The following FASN variants were observed in gnomAD, a reference collection of about 807,000 sequenced individuals.
FASN encodes the protein 3-hydroxyacyl-[acyl-carrier-protein] dehydratase.
FASN carries 50 observed loss-of-function variants against 250.0 expected under a neutral mutation model. That is an observed-to-expected ratio of 0.20 (90% CI 0.16 to 0.25). FASN has a LOEUF of 0.25. Ranked by LOEUF, FASN falls within the 10% of genes least tolerant of loss-of-function variation. FASN has a pLI of 1.00. For synonymous variants in FASN, 1,909 were observed against 1,584.0 expected, an observed-to-expected ratio of 1.21 and a Z score of -4.87; for missense variants, 3,031 against 3,498.5, an observed-to-expected ratio of 0.87 and a Z score of 3.37.
At chr17:82,089,848 A>G in intron 11 of FASN, 122 bp from the exon 12 acceptor site, 1 of 862,568 alleles carries the variant, frequency 1.2e-6, no homozygotes, top group Non-Finnish European at 1.9e-6. Context: ...GCAGCCTTGG[A>G]GCCTTCATGA....
At position 82,080,549 on chromosome 17, in the gene FASN, T is replaced by C. The variant is rs575193007; in HGVS notation, c.6868A>G (p.Ile2290Val). ...DSIHSLAAYY[I>V]DCIRQVQPEG... ...GGCTGCACCTGCCTGATGCAGTCGA[T>C]GTAGTAGGCAGCCAGGCTGTGGATG... is the stretch of plus-strand genomic sequence containing the variant. The change falls in exon 40 of 43, where the codon ATC becomes GTC. Residue 2290 changes from isoleucine to valine, a missense_variant. Transcript: ENST00000306749. 1.9e-6 allele frequency: 3 copies of C among 1,560,324 alleles called. No individual in the cohort carries two copies. The highest frequency in any genetic ancestry group is 1.9e-5 in the Admixed American group (1 of 52,282).
chr17:82,089,541 G>C, intron 12 of FASN, 91 bp downstream of exon 12: 1 of 1,540,680 alleles, frequency 6.5e-7, no homozygotes, highest in Non-Finnish European at 8.8e-7. Context: ...GTCAGAGCTT[G>C]GTGGGGCGTA....
chr17:82,091,588 C>T lies in FASN; in HGVS notation c.1126G>A (p.Val376Met), dbSNP rs370752560. Reference protein sequence around the residue: ...IPALLDGRLQVVDQPLPVRGG... With the variant: ...IPALLDGRLQMVDQPLPVRGG... ...CGGACGGGCAGGGGCTGGTCCACCA[C>T]CTGCAGCCGCCCATCCAACAGCGCT... The change falls in exon 9 of 43, where the codon GTG (valine) becomes ATG (methionine). Residue 376 changes from valine (V) to methionine (M), a missense_variant. Transcript: ENST00000306749. The T allele has an allele frequency of 6.3e-7, 1 of 1,588,712 alleles. No homozygotes were observed. The highest frequency in any genetic ancestry group is 2.3e-5 in the East Asian group (1 of 43,770).
chr17:82,094,221 G>A (rs1489095128), intron 3 of FASN: 3 of 281,398 alleles, frequency 1.1e-5, no homozygotes, highest in African/African-American at 2.2e-5. Context: ...AGGAACCGAG[G>A]AGACAAAGGC....
rs1287065605 is a variant in FASN, at chr17:82,087,412, G to A, written c.3136C>T (p.Leu1046=). 3 of 1,612,714 alleles carry A rather than the reference G, an allele frequency of 1.9e-6. No homozygotes were observed. Among genetic ancestry groups the A allele is most frequent in the East Asian group, 4.5e-5 (2 of 44,876 alleles). Reference sequence around the variant, plus strand: ...GCGGTGACACGGGTGGGCAGGTACAGGCCGTGCTTGGCCGAGCCCAGGATG... The same window carrying A: ...GCGGTGACACGGGTGGGCAGGTACAAGCCGTGCTTGGCCGAGCCCAGGATG... ...MSILGSAKHG[L]YLPTRVTAIH... is the part of the protein sequence containing the mutation. Residue 1046 remains leucine, a synonymous_variant, in exon 20 of 43, where the codon CTG becomes TTG. Coordinates refer to ENST00000306749, the MANE Select transcript of FASN (RefSeq NM_004104.5).
Position 82,081,241 on chromosome 17 carries a change from A to C in FASN, c.6518T>G (p.Val2173Gly). The stretch of plus-strand genomic sequence containing the variant: ...TTGCCGCACCTCGCGCACGGACAGC[A>C]CCAGGTTGAGCTCACGCTCCAGCGT... ...RQTLERELNLVLSVREVRQLT... is the reference protein window; with the variant it reads ...RQTLERELNLGLSVREVRQLT... The change falls in exon 38 of 43, where the codon GTG becomes GGG. Residue 2173 changes from valine (V) to glycine (G), a missense_variant. Physicochemically the swap from Val to Gly is moderately radical, Grantham distance 109. Transcript: ENST00000306749. 1 of 1,589,154 alleles carries C rather than the reference A, an allele frequency of 6.3e-7. No homozygotes were observed. The highest frequency in any genetic ancestry group is 1.1e-5 in the South Asian group (1 of 87,572).
rs750057391 is a variant in FASN, at chr17:82,079,179, G to A, written c.7500C>T (p.Ser2500=). ...GCACGCTCACGCGTGGCTCAGCCAG[G>A]GAGCTGTGGATGATGCTGATGATGG... The part of the protein sequence containing the change: ...LESIISIIHS[S]LAEPRVSVRE... The change falls in exon 43 of 43, where the codon TCC becomes TCT. Residue 2500 remains serine (S), a synonymous_variant. Coordinates refer to ENST00000306749, the MANE Select transcript of FASN (RefSeq NM_004104.5). 3.1e-6 allele frequency: 5 copies of A among 1,612,698 alleles called. No homozygotes were observed. The highest frequency in any genetic ancestry group is 2.7e-5 in the African/African-American group (2 of 74,938).
Position 82,092,772 on chromosome 17 carries a change from G to A in FASN, c.819C>T (p.Ile273=). ...FPSGDIQEQL[I]RSLYQSAGVA... ...CTCCGGCCGACTGGTACAACGAGCG[G>A]ATGAGCTGCTCCTGGATATCCCCTG... The change falls in exon 7 of 43, where the codon ATC becomes ATT. Residue 273 remains isoleucine, a synonymous_variant. Transcript: ENST00000306749. 1 of 1,605,718 alleles carries A rather than the reference G, an allele frequency of 6.2e-7. No individual in the cohort carries two copies. The highest frequency in any genetic ancestry group is 8.5e-7 in the Non-Finnish European group (1 of 1,177,474).
rs1219024120 is a variant in FASN, at chr17:82,085,191, G to A, written c.4288-35C>T. The A allele has an allele frequency of 3.7e-6, 6 of 1,612,402 alleles. No homozygotes were observed. The South Asian group carries it at 5.5e-5, about 15-fold the overall frequency. ...GTCGGGGAGGGTCAGGCCACACTCG[G>A]CAAGTTGGGAGGTGGGGTGGGGCCT... is the stretch of plus-strand genomic sequence containing the variant. On this transcript the variant is annotated intron_variant, in intron 24 of 42. Coordinates refer to ENST00000306749, the MANE Select transcript of FASN (RefSeq NM_004104.5).
chr17:82,091,745 G>A, intron 8 of FASN, 61 bp from the exon 9 acceptor site: 2 of 1,449,972 alleles, frequency 1.4e-6, no homozygotes, highest in Non-Finnish European at 9.3e-7. Context: ...CCTGAGCTGG[G>A]GGCAGGCACC....
At chr17:82,091,831 C>T (rs2034215283) in intron 8 of FASN, 147 bp from the exon 9 acceptor site, 3 of 770,628 alleles carry the variant, frequency 3.9e-6, no homozygotes, top group Non-Finnish European at 6.1e-6. Flanking sequence ...CTAATTCTGC[C>T]ATGGCACAGG....
Position 82,082,051 on chromosome 17 carries a change from T to C in FASN, c.6121A>G (p.Met2041Val). The change falls in exon 36 of 43, where the codon ATG becomes GTG. Residue 2041 changes from methionine to valine, a missense_variant. Met to Val is a conservative substitution (Grantham distance 21). Coordinates refer to ENST00000306749, the MANE Select transcript of FASN (RefSeq NM_004104.5). ...CGGCGTTTCTCACAGATACGCTCCA[T>C]GGCGGAATTGGCAAAGCCGTAGTTG... ...QSNYGFANSA[M>V]ERICEKRRHE... 1.9e-6 allele frequency: 3 copies of C among 1,610,550 alleles called. No individual in the cohort carries two copies. The highest frequency in any genetic ancestry group is 2.5e-6 in the Non-Finnish European group (3 of 1,179,956).
Position 82,088,960 on chromosome 17 carries a change from T to G in FASN, c.2304+9A>C. The G allele has an allele frequency of 2.5e-6, 4 of 1,608,826 alleles. No homozygotes were observed. Among genetic ancestry groups the G allele is most frequent in the Non-Finnish European group, 3.4e-6 (4 of 1,178,278 alleles). On this transcript the variant is annotated intron_variant, in intron 14 of 42. Coordinates refer to ENST00000306749, the MANE Select transcript of FASN (RefSeq NM_004104.5). ...CTCCCGGCGCCTGCTGCCCCCAGGC[T>G]GGGCCTACCTGCAGCAGGGCGTGGG...
In FASN at chr17:82,098,205, G is replaced by A. The variant is rs993432399; in HGVS notation, c.-92C>T. Reference sequence around the variant, plus strand: ...CGGGAGGCTGAAGCGCGGCGGAGAGGGAGGCCGGGGCCGCTGCCGTCTCTC... The same window carrying A: ...CGGGAGGCTGAAGCGCGGCGGAGAGAGAGGCCGGGGCCGCTGCCGTCTCTC... On this transcript the variant is annotated 5_prime_UTR_variant, in exon 1 of 43. Coordinates refer to ENST00000306749, the MANE Select transcript of FASN (RefSeq NM_004104.5). 2.7e-6 allele frequency: 1 copy of A among 367,768 alleles called. No homozygotes were observed. Among genetic ancestry groups the A allele is most frequent in the Admixed American group, 4.6e-5 (1 of 21,606 alleles). The allele number at this position is 367,768 out of a possible 1,614,324, so 22.8% of individuals were successfully genotyped here. A position where few individuals can be genotyped will look rare whatever the true frequency, so the allele number is the denominator to read the frequency against.
In FASN at chr17:82,090,394, C is replaced by T. The variant is rs766299074; in HGVS notation, c.1851G>A (p.Pro617=). Reference sequence around the variant, plus strand: ...ACCTACCCACGGCTGCCATGGCGCCCGGCGGGAGATGGGCTTCTTTGATGC... The same window carrying T: ...ACCTACCCACGGCTGCCATGGCGCCTGGCGGGAGATGGGCTTCTTTGATGC... ...GQCIKEAHLP[P]GAMAAVGLSW... The change falls in exon 11 of 43, where the codon CCG becomes CCA. Residue 617 remains proline, a synonymous_variant. Transcript: ENST00000306749. 255 of 1,592,946 alleles carry T rather than the reference C, an allele frequency of 1.6e-4. 1 individual carries two copies. The highest frequency in any genetic ancestry group is 1.7e-4 in the Middle Eastern group (1 of 5,760).
Position 82,085,009 on chromosome 17 carries a change from G to A in FASN, c.4409+26C>T, listed in dbSNP as rs1047511592. 2.5e-6 allele frequency: 4 copies of A among 1,594,490 alleles called. No individual in the cohort carries two copies. In the Admixed American group the frequency reaches 7.0e-5, roughly 28 times the overall value. ...GGATGGGGAGGCTGGTGGGGAAGGG[G>A]AAGTGGTGAGGGGCCGTGCTCCTAC... On this transcript the variant is annotated intron_variant, in intron 25 of 42. Transcript: ENST00000306749.
At position 82,082,061 on chromosome 17, in the gene FASN, G is replaced by A. The variant is rs760958682; in HGVS notation, c.6111C>T (p.Ala2037=). 5.0e-6 allele frequency: 8 copies of A among 1,610,384 alleles called. No homozygotes were observed. Among genetic ancestry groups the A allele is most frequent in the Middle Eastern group, 1.6e-4 (1 of 6,084 alleles). Residue 2037 remains alanine, a synonymous_variant, in exon 36 of 43, where the codon GCC becomes GCT. Transcript: ENST00000306749. The part of the protein sequence containing the change: ...GNAGQSNYGF[A]NSAMERICEK... ...CACAGATACGCTCCATGGCGGAATT[G>A]GCAAAGCCGTAGTTGCTCTGTCCCG...
chr17:82,085,835 G>A lies in FASN; in HGVS notation c.3769C>T (p.Pro1257Ser), dbSNP rs2034088844. The A allele has an allele frequency of 1.3e-6, 2 of 1,555,890 alleles. No individual in the cohort carries two copies. The highest frequency in any genetic ancestry group is 1.4e-5 in the African/African-American group (1 of 74,038). Residue 1257 changes from proline to serine, a missense_variant, in exon 23 of 43, where the codon CCA (proline) becomes TCA (serine). Physicochemically the swap from Pro to Ser is moderately conservative, Grantham distance 74 (BLOSUM62 -1). Coordinates refer to ENST00000306749, the MANE Select transcript of FASN (RefSeq NM_004104.5). ...AGHGHLYSRI[P>S]GLLSPHPLLQ... ...AGGGGATGGGGGCTGAGCAGGCCTGGGATGCGGGAATACAGGTGACCGTGG... is the reference window on the plus strand; with the variant it reads ...AGGGGATGGGGGCTGAGCAGGCCTGAGATGCGGGAATACAGGTGACCGTGG...
Position 82,093,614 on chromosome 17 carries a change from G to A in FASN, c.438C>T (p.Phe146=), listed in dbSNP as rs1334654147. The A allele has an allele frequency of 2.2e-5, 35 of 1,612,700 alleles. No homozygotes were observed. Among genetic ancestry groups the A allele is most frequent in the East Asian group, 2.2e-5 (1 of 44,894 alleles). The change falls in exon 4 of 43, where the codon TTC becomes TTT. Residue 146 remains phenylalanine, a synonymous_variant. Transcript: ENST00000306749. The part of the protein sequence containing the change: ...QRAMMANRLS[F]FFDFRGPSIA... ...AGGACCCACCTCTGAAGTCGAAGAA[G>A]AAGGAGAGCCGGTTGGCCATCATCG... is the stretch of plus-strand genomic sequence containing the variant.
Sources: allele counts gnomAD v4.1 joint callset, GRCh38; gene constraint gnomAD v4.1.1; transcripts MANE v1.5; gene names NCBI Gene and HGNC (gene_info 2026-07-23, HGNC 2026-07-21).